Variants in TRPA1 observed in about 807,000 individuals in gnomAD.
TRPA1 encodes the protein transient receptor potential cation channel subfamily A member 1.
TRPA1 carries 129 observed loss-of-function variants against 131.3 expected under a neutral mutation model. The ratio of observed to expected loss-of-function variants is 0.98; its 90% CI spans 0.85 to 1.14. The LOEUF (loss-of-function observed/expected upper bound fraction) is 1.14. Ranked by LOEUF, TRPA1 falls within the 50% of genes most tolerant of loss-of-function variation. The probability of loss-of-function intolerance (pLI) is 0.00; values close to 1 mark genes in which losing one functional copy is unlikely to be tolerated. For missense variants in TRPA1, 1,304 were observed against 1,354.2 expected (o/e 0.96, Z 0.58); for synonymous variants, 441 against 451.7 (o/e 0.98, Z 0.30).
rs1042326074 is a variant in TRPA1, at chr8:72,052,947, C to A, written c.1645-182G>T. On this transcript the variant is annotated intron_variant, in intron 13 of 26. Coordinates refer to ENST00000262209, the MANE Select transcript of TRPA1 (RefSeq NM_007332.3). ...TTATAGTTCTAGCATGGTGTGTGTGCATGTGTGGGAAGTGGATCTGTGTGT... is the reference window on the plus strand; with the variant it reads ...TTATAGTTCTAGCATGGTGTGTGTGAATGTGTGGGAAGTGGATCTGTGTGT... 1.8e-5 allele frequency: 8 copies of A among 437,806 alleles called. No homozygotes were observed. In the Admixed American group the frequency reaches 2.1e-4, roughly 12 times the overall value. 27.1% of individuals were successfully genotyped at this position (437,806 alleles called of 1,614,324 possible). A position where few individuals can be genotyped will look rare whatever the true frequency, so the allele number is the denominator to read the frequency against.
chr8:72,040,817 A>G (rs1004830034), intron 17 of TRPA1, among the ~76,000 whole-genome samples: 21 of 152,116 alleles, frequency 1.4e-4, no homozygotes, highest in Non-Finnish European at 1.9e-4. Flanking sequence ...AGAGACAAAA[A>G]GTCTACCACA....
chr8:72,047,284 A>G, intron 15 of TRPA1, 77 bp from the exon 16 acceptor site: 1 of 1,066,472 alleles, frequency 9.4e-7, no homozygotes, highest in Non-Finnish European at 1.5e-6. Flanking sequence ...TATTTCTGAA[A>G]TAATACACAA....
At chr8:72,036,691 G>A (rs1028466442) in intron 20 of TRPA1, among the ~76,000 whole-genome samples, 6 of 152,144 alleles carry the variant, frequency 3.9e-5, no homozygotes, top group African/African-American at 7.2e-5. Flanking sequence ...GGAATCCGAC[G>A]CCTAAGGAAA....
At chr8:72,029,604 A>G (rs1811733251) in intron 24 of TRPA1, 1 of 488,886 alleles carries the variant, frequency 2.0e-6, no homozygotes, top group Non-Finnish European at 3.7e-6. Context: ...TGACTTTATG[A>G]TGTGTGAAAG....
At chr8:72,059,766 T>C (rs1024488731) in intron 7 of TRPA1, among the ~76,000 whole-genome samples, 1 of 152,198 alleles carries the variant, frequency 6.6e-6, no homozygotes, top group Non-Finnish European at 1.5e-5. Context: ...AGGAAATCAC[T>C]GGTATTGCTA....
chr8:72,082,848 TC>T, the TRPA1 span, among the ~76,000 whole-genome samples: 1 of 151,990 alleles, frequency 6.6e-6, no homozygotes, highest in East Asian at 1.9e-4. Flanking sequence ...ACTTTTTTTT[TC>T]AAATTTGAAC....
the TRPA1 span, among the ~76,000 whole-genome samples, chr8:72,088,366 C>CTTTTTTTTTTTTTTTTTTTTTTTTT: frequency 3.7e-5 from 3 of 81,214 alleles, no homozygotes; most frequent in Non-Finnish European, 7.2e-5. Flanking sequence ...TCTTTGAAAA[C>CTTTTTTTTTTTTTTTTTTTTTTTTT]TTTTTTTTTT....
rs1179259672 is a variant in TRPA1 at position 72,055,590 on chromosome 8, T to C, written c.1375A>G (p.Ile459Val). ...PLHFAASYGR[I>V]NTCQRLLQDI... ...TGTAGGAGCCTCTGACAGGTATTGATACGCCCATAACTTGGAAAAAATTAG... is the reference window on the plus strand; with the variant it reads ...TGTAGGAGCCTCTGACAGGTATTGACACGCCCATAACTTGGAAAAAATTAG... Residue 459 changes from isoleucine (I) to valine (V), a missense_variant, in exon 12 of 27, where the codon ATC becomes GTC. Physicochemically the swap from Ile to Val is conservative, Grantham distance 29 (BLOSUM62 3). Coordinates refer to ENST00000262209, the MANE Select transcript of TRPA1 (RefSeq NM_007332.3). 2 of 1,613,492 alleles carry C rather than the reference T, an allele frequency of 1.2e-6. No individual in the cohort carries two copies. The highest frequency in any genetic ancestry group is 1.7e-6 in the Non-Finnish European group (2 of 1,179,580).
intron 26 of TRPA1, chr8:72,023,397 T>C: frequency 5.9e-6 from 3 of 508,544 alleles, no homozygotes; most frequent in Non-Finnish European, 1.1e-5. Context: ...AGGGTCACAG[T>C]TATTACGTAC....
chr8:72,039,579 C>T (rs1303746800), intron 18 of TRPA1, 148 bp downstream of exon 18: 1 of 594,610 alleles, frequency 1.7e-6, no homozygotes, highest in Non-Finnish European at 3.0e-6. Context: ...AGTTCTAGGG[C>T]ATTTGCCTTA....
intron 10 of TRPA1, 183 bp from the exon 11 acceptor site, chr8:72,056,038 C>G: frequency 1.5e-6 from 1 of 651,776 alleles, no homozygotes; most frequent in East Asian, 2.7e-5. Flanking sequence ...AATGCTCTGT[C>G]TTCATTTAGT....
chr8:72,036,372 A>G lies in TRPA1; in HGVS notation c.2471T>C (p.Val824Ala), dbSNP rs1370332275. The change falls in exon 21 of 27, where the codon GTT becomes GCT. Residue 824 changes from valine to alanine, a missense_variant. By Grantham distance (64) the Val-to-Ala change is moderately conservative (BLOSUM62 0). Transcript: ENST00000262209. Reference sequence around the variant, plus strand: ...CCACTGCAGATGAGCTGGTATTTCAACAAACAAGGGCAGCACAAAAATGAT... The same window carrying G: ...CCACTGCAGATGAGCTGGTATTTCAGCAAACAAGGGCAGCACAAAAATGAT... ...TGIIFVLPLFVEIPAHLQWQC... is the reference protein window; with the variant it reads ...TGIIFVLPLFAEIPAHLQWQC... The G allele has an allele frequency of 1.2e-6, 2 of 1,614,214 alleles. No individual in the cohort carries two copies. The highest frequency in any genetic ancestry group is 1.7e-6 in the Non-Finnish European group (2 of 1,180,018).
upstream of TRPA1, among the ~76,000 whole-genome samples, chr8:72,080,388 A>G (rs73294686): frequency 0.057 from 5,818 of 101,480 alleles, 373 homozygotes; most frequent in African/African-American, 0.17. Context: ...AGATGATCAC[A>G]TGTTTTTTTC....
chr8:72,052,813 T>C (rs745943616), intron 13 of TRPA1, 48 bp from the exon 14 acceptor site: 2 of 1,607,096 alleles, frequency 1.2e-6, no homozygotes, highest in Non-Finnish European at 8.5e-7. Context: ...GTGTCTAATC[T>C]GTCTTATTTC....
chr8:72,050,885 A>G lies in TRPA1; in HGVS notation c.1812-14T>C, dbSNP rs777099493. On this transcript the variant is annotated splice_polypyrimidine_tract_variant and intron_variant, in intron 14 of 26. Coordinates refer to ENST00000262209, the MANE Select transcript of TRPA1 (RefSeq NM_007332.3). ...CATTCATCCCATCTGTAAAAAATAA[A>G]TAAGTAAGATAAGCACAGGTCTTCA... is the stretch of plus-strand genomic sequence containing the variant. The G allele has an allele frequency of 1.3e-5, 20 of 1,531,446 alleles. No homozygotes were observed. The African/African-American group carries it at 1.4e-4, about 10-fold the overall frequency. 94.9% of individuals were successfully genotyped at this position (1,531,446 alleles called of 1,614,324 possible).
intron 1 of TRPA1, among the ~76,000 whole-genome samples, chr8:72,074,171 ACT>A (rs1806125133): frequency 6.6e-6 from 1 of 152,184 alleles, no homozygotes; most frequent in Non-Finnish European, 1.5e-5. Context: ...TCACAGACAT[ACT>A]CTGTCACATG....
At chr8:72,081,874 T>C in the TRPA1 span, among the ~76,000 whole-genome samples, 3 of 151,894 alleles carry the variant, frequency 2.0e-5, no homozygotes, top group African/African-American at 7.2e-5. Context: ...CTATTTGTTT[T>C]TAAACTGTTT....
rs753080060 is a variant in TRPA1, at chr8:72,039,014, A to G, written c.2146T>C (p.Phe716Leu). The G allele has an allele frequency of 1.2e-6, 2 of 1,612,764 alleles. No individual in the cohort carries two copies. Among genetic ancestry groups the G allele is most frequent in the South Asian group, 2.2e-5 (2 of 91,052 alleles). The change falls in exon 19 of 27, where the codon TTT (phenylalanine) becomes CTT (leucine). Residue 716 changes from phenylalanine to leucine, a missense_variant. Coordinates refer to ENST00000262209, the MANE Select transcript of TRPA1 (RefSeq NM_007332.3). ...YLLMKWLAYG[F>L]RAHMMNLGSY... ...CCTAAATTCATCATATGAGCTCTAA[A>G]TCCATAAGCCAACCTACAAAAATAT... is the stretch of plus-strand genomic sequence containing the variant.
At chr8:72,058,754 T>C (rs922414753) in intron 8 of TRPA1, among the ~76,000 whole-genome samples, 1 of 152,206 alleles carries the variant, frequency 6.6e-6, no homozygotes, top group African/African-American at 2.4e-5. Context: ...ATAGTTATGA[T>C]TGACAACACA....
Sources: allele counts gnomAD v4.1 joint callset (sites outside exome capture counted in the v4.1 genomes callset), GRCh38; gene constraint gnomAD v4.1.1; transcripts MANE v1.5; gene names NCBI Gene and HGNC (gene_info 2026-07-23, HGNC 2026-07-21).